SYT14: variants seen among roughly 807,000 people sequenced by gnomAD.
SYT14 encodes the protein synaptotagmin-14.
SYT14 carries 32 observed loss-of-function variants against 74.2 expected under a neutral mutation model. The ratio of observed to expected loss-of-function variants is 0.43; its 90% CI spans 0.33 to 0.58. The LOEUF (loss-of-function observed/expected upper bound fraction) is 0.58. SYT14 is among the 20% of genes least tolerant of loss of function. The probability of loss-of-function intolerance (pLI) is 0.05; values close to 1 mark genes in which losing one functional copy is unlikely to be tolerated. For missense variants in SYT14, 791 were observed against 981.8 expected (o/e 0.81, Z 2.60); for synonymous variants, 298 against 337.7 (o/e 0.88, Z 1.29).
At chr1:210,025,053 T>C (rs538315232) in intron 5 of SYT14, among the ~76,000 whole-genome samples, 1 of 152,210 alleles carries the variant, frequency 6.6e-6, no homozygotes, top group Non-Finnish European at 1.5e-5. Context: ...TTAGCATCTA[T>C]TCTCTCCTTA....
chr1:210,000,768 C>T (rs930953623), intron 2 of SYT14, among the ~76,000 whole-genome samples: 1 of 151,782 alleles, frequency 6.6e-6, no homozygotes, highest in African/African-American at 2.4e-5. Context: ...CGCCTGCCAC[C>T]GCGCCAGGCT....
At chr1:210,017,897 A>C (rs1248180702) in intron 4 of SYT14, among the ~76,000 whole-genome samples, 1 of 152,202 alleles carries the variant, frequency 6.6e-6, no homozygotes, top group Non-Finnish European at 1.5e-5. Flanking sequence ...TAAAATACAC[A>C]TCTGGAATTT....
At chr1:210,148,624 A>G (rs2102692449) in intron 7 of SYT14, among the ~76,000 whole-genome samples, 2 of 152,304 alleles carry the variant, frequency 1.3e-5, no homozygotes, top group South Asian at 4.1e-4. Context: ...GAAACATACA[A>G]ATGTCTAAAA....
chr1:210,124,218 T>C (rs1440229009), intron 7 of SYT14, among the ~76,000 whole-genome samples: 1 of 147,820 alleles, frequency 6.8e-6, no homozygotes, highest in East Asian at 2.0e-4. Flanking sequence ...AAAAGTTTGC[T>C]AACCCATTAA....
intron 5 of SYT14, among the ~76,000 whole-genome samples, chr1:210,090,851 A>G (rs2081853213): frequency 6.6e-6 from 1 of 152,140 alleles, no homozygotes; most frequent in Non-Finnish European, 1.5e-5. Context: ...GATTGCAAAC[A>G]TTTAAAAAGG....
In SYT14 at chr1:209,990,551, A is replaced by ATATATACG. The variant is rs1553262378; in HGVS notation, c.-485-23076_-485-23075insCGTATATA. Among the ~76,000 whole-genome samples the ATATATACG allele has an allele frequency of 0.019, 2,130 of 113,102 alleles. 322 individuals are homozygous for ATATATACG. In the East Asian group the frequency reaches 0.33, roughly 17 times the overall value. 74.2% of individuals were successfully genotyped at this position (113,102 alleles called of 152,430 possible). On this transcript the variant is annotated intron_variant, in intron 2 of 9. Coordinates refer to ENST00000637265, the Ensembl canonical transcript of SYT14. ...TATATATATATACGTATATATATGT[A>ATATATACG]TATATATACGTATATATATGTATGT...
At chr1:209,968,576 T>G (rs927418739) in intron 2 of SYT14, among the ~76,000 whole-genome samples, 1 of 151,926 alleles carries the variant, frequency 6.6e-6, no homozygotes, top group African/African-American at 2.4e-5. Context: ...TGGCAGCCAC[T>G]GAATTTTGTA....
chr1:209,945,033 C>A (rs941029797), intron 1 of SYT14, among the ~76,000 whole-genome samples: 9 of 152,128 alleles, frequency 5.9e-5, no homozygotes, highest in Non-Finnish European at 1.2e-4. Context: ...TTCTCCCTCT[C>A]TTGTCTGCAG....
chr1:210,149,479 A>G (rs990957714), intron 7 of SYT14, among the ~76,000 whole-genome samples: 3 of 151,980 alleles, frequency 2.0e-5, no homozygotes, highest in Non-Finnish European at 4.4e-5. Flanking sequence ...GCCACTGCAC[A>G]CGGCGGATCA....
chr1:209,994,315 C>T (rs990674221), intron 2 of SYT14, among the ~76,000 whole-genome samples: 3 of 152,038 alleles, frequency 2.0e-5, no homozygotes, highest in African/African-American at 7.2e-5. Context: ...ACTTCTAGAC[C>T]TGAAGAACTC....
At chr1:210,081,876 A>G (rs1040870061) in intron 5 of SYT14, among the ~76,000 whole-genome samples, 11 of 152,242 alleles carry the variant, frequency 7.2e-5, no homozygotes, top group Admixed American at 3.3e-4. Context: ...CAAGCATATG[A>G]TAGTGAAACA....
At chr1:209,989,714 G>T (rs1386659382) in intron 2 of SYT14, among the ~76,000 whole-genome samples, 1 of 151,994 alleles carries the variant, frequency 6.6e-6, no homozygotes, top group Non-Finnish European at 1.5e-5. Context: ...CATGTCAGGG[G>T]AATTATAGTA....
At chr1:209,956,218 A>G (rs2078989277) in intron 2 of SYT14, among the ~76,000 whole-genome samples, 1 of 152,126 alleles carries the variant, frequency 6.6e-6, no homozygotes, top group Non-Finnish European at 1.5e-5. Context: ...CTGCTTCCCT[A>G]GGAAATAATT....
intron 2 of SYT14, among the ~76,000 whole-genome samples, chr1:209,999,691 G>C (rs1219358049): frequency 6.6e-6 from 1 of 152,176 alleles, no homozygotes; most frequent in Non-Finnish European, 1.5e-5. Context: ...ATATGTGGGA[G>C]CTAAAAAAGT....
At chr1:210,022,245 G>T (rs570798029) in intron 5 of SYT14, among the ~76,000 whole-genome samples, 1 of 152,086 alleles carries the variant, frequency 6.6e-6, no homozygotes, top group Non-Finnish European at 1.5e-5. Context: ...GCTGTATTTG[G>T]CTTCATGCCA....
At chr1:210,109,306 G>A (rs961001502) in intron 7 of SYT14, among the ~76,000 whole-genome samples, 3 of 152,020 alleles carry the variant, frequency 2.0e-5, no homozygotes, top group Non-Finnish European at 2.9e-5. Flanking sequence ...CAGACCGGGC[G>A]CGTTGGCTCA....
chr1:210,118,370 C>G (rs1047055900), intron 7 of SYT14, among the ~76,000 whole-genome samples: 4 of 151,998 alleles, frequency 2.6e-5, no homozygotes, highest in African/African-American at 7.3e-5. Flanking sequence ...TGAAAACATG[C>G]CTTCTTCATT....
At chr1:210,010,466 A>G (rs1410786095) in intron 2 of SYT14, among the ~76,000 whole-genome samples, 2 of 152,174 alleles carry the variant, frequency 1.3e-5, no homozygotes, top group Non-Finnish European at 2.9e-5. Flanking sequence ...GTCTTTAACC[A>G]TGCTATTTCA....
chr1:209,975,911 T>G (rs999044443), intron 2 of SYT14, among the ~76,000 whole-genome samples: 12 of 152,216 alleles, frequency 7.9e-5, no homozygotes, highest in Non-Finnish European at 1.2e-4. Flanking sequence ...GAGATTCAAC[T>G]TTTTGCTGAT....
Sources: gnomAD v4.1 joint callset for allele counts (sites outside exome capture counted in the v4.1 genomes callset) on GRCh38, gnomAD v4.1.1 for gene constraint, MANE v1.5 for transcripts, NCBI Gene and HGNC (gene_info 2026-07-23, HGNC 2026-07-21) for gene names.